ARID2: variants seen among roughly 807,000 people sequenced by gnomAD.
ARID2 encodes the protein AT-rich interactive domain-containing protein 2.
Under a neutral mutation model 184.6 loss-of-function variants are expected in ARID2, and 32 were observed. That is an observed-to-expected ratio of 0.17 (90% CI 0.13 to 0.23). ARID2 has a LOEUF of 0.23. Ranked by LOEUF, ARID2 falls within the 10% of genes least tolerant of loss-of-function variation. The probability of loss-of-function intolerance (pLI) is 1.00; values close to 1 mark genes in which losing one functional copy is unlikely to be tolerated. For missense variants in ARID2, 1,696 were observed against 2,197.6 expected (o/e 0.77, Z 4.56); for synonymous variants, 836 against 772.6 (o/e 1.08, Z -1.36).
chr12:45,806,977 CCCCTTTTGAAACACACCATCACTTT>C (rs1237771616), intron 3 of ARID2, among the ~76,000 whole-genome samples: 1 of 152,168 alleles, frequency 6.6e-6, no homozygotes, highest in Non-Finnish European at 1.5e-5. Context: ...CTCTCTGGGT[CCCCTTTTGAAACACACCATCACTTT>C]CTGTAGCTCC....
chr12:45,738,481 A>C (rs951585554), intron 3 of ARID2, among the ~76,000 whole-genome samples: 1 of 151,870 alleles, frequency 6.6e-6, no homozygotes, highest in Admixed American at 6.6e-5. Context: ...TACCCGGCTA[A>C]TTTTTGTATT....
intron 6 of ARID2, among the ~76,000 whole-genome samples, chr12:45,823,617 T>G (rs1942938473): frequency 6.6e-6 from 1 of 152,024 alleles, no homozygotes; most frequent in Non-Finnish European, 1.5e-5. Flanking sequence ...ACATTACAGC[T>G]GATACTACAG....
At chr12:45,867,309 G>A (rs1312931127) in intron 16 of ARID2, among the ~76,000 whole-genome samples, 1 of 151,650 alleles carries the variant, frequency 6.6e-6, no homozygotes, top group African/African-American at 2.4e-5. Flanking sequence ...CTAGAGTTTA[G>A]TGGGATGATC....
intron 15 of ARID2, among the ~76,000 whole-genome samples, chr12:45,854,242 G>A (rs922315366): frequency 2.6e-5 from 4 of 152,140 alleles, no homozygotes; most frequent in Non-Finnish European, 4.4e-5. Context: ...ATTATGGCAA[G>A]TTGTATAATT....
chr12:45,875,018 G>A (rs1019734190), intron 16 of ARID2, among the ~76,000 whole-genome samples: 3 of 152,212 alleles, frequency 2.0e-5, no homozygotes, highest in South Asian at 2.1e-4. Context: ...AGTTACTCAG[G>A]AGGCTTTGGT....
intron 16 of ARID2, chr12:45,874,384 C>A: frequency 5.5e-6 from 1 of 182,616 alleles, no homozygotes; most frequent in Admixed American, 5.5e-5. Flanking sequence ...GCTATGTTAT[C>A]AACTAAGTTT....
intron 6 of ARID2, among the ~76,000 whole-genome samples, chr12:45,826,326 C>T (rs1030042905): frequency 1.1e-4 from 16 of 151,694 alleles, no homozygotes; most frequent in African/African-American, 1.9e-4. Context: ...TTTATTTTAA[C>T]GAGCTGGTAA....
intron 16 of ARID2, among the ~76,000 whole-genome samples, chr12:45,876,559 G>GA (rs1278536900): frequency 1.2e-5 from 1 of 85,282 alleles, no homozygotes; most frequent in Admixed American, 1.2e-4. Context: ...CTCAAAAAAA[G>GA]AAAAAAAAGG....
intron 16 of ARID2, among the ~76,000 whole-genome samples, chr12:45,883,617 C>T (rs1414283727): frequency 1.3e-5 from 2 of 149,722 alleles, no homozygotes; most frequent in African/African-American, 2.5e-5. Flanking sequence ...CCCATTTTTA[C>T]CTAGTAATAC....
chr12:45,813,318 G>C (rs1456415268), intron 4 of ARID2, among the ~76,000 whole-genome samples: 2 of 152,020 alleles, frequency 1.3e-5, no homozygotes, highest in Non-Finnish European at 2.9e-5. Flanking sequence ...TTTCTAGAAA[G>C]AGCCATAGCA....
At chr12:45,825,855 C>G (rs1219289436) in intron 6 of ARID2, among the ~76,000 whole-genome samples, 1 of 151,616 alleles carries the variant, frequency 6.6e-6, no homozygotes, top group Non-Finnish European at 1.5e-5. Flanking sequence ...CAGAGTGAGA[C>G]CCTGTCTTTA....
chr12:45,760,150 AAT>A (rs1941647985), intron 3 of ARID2, among the ~76,000 whole-genome samples: 1 of 152,182 alleles, frequency 6.6e-6, no homozygotes, highest in Non-Finnish European at 1.5e-5. Context: ...TTCCAGATAT[AAT>A]ATTTTTAAAG....
chr12:45,729,994 C>T (rs749537328), intron 1 of ARID2, 50 bp from the exon 2 acceptor site: 1 of 1,607,208 alleles, frequency 6.2e-7, no homozygotes, highest in Non-Finnish European at 8.5e-7. Flanking sequence ...CCCGCCCGGG[C>T]CGGGCACGGG....
intron 9 of ARID2, 40 bp from the exon 10 acceptor site, chr12:45,837,458 A>G: frequency 6.2e-7 from 1 of 1,610,524 alleles, no homozygotes; most frequent in Non-Finnish European, 8.5e-7. Flanking sequence ...AAGTAAACAA[A>G]CTATCATTTC....
At chr12:45,860,702 G>T in intron 15 of ARID2, 99 bp from the exon 16 acceptor site, 1 of 1,067,166 alleles carries the variant, frequency 9.4e-7, no homozygotes, top group Non-Finnish European at 1.2e-6. Context: ...TTTTATGGTA[G>T]AAATGTATAA....
chr12:45,813,600 T>G (rs1323669371), intron 4 of ARID2, among the ~76,000 whole-genome samples: 3 of 152,252 alleles, frequency 2.0e-5, no homozygotes, highest in African/African-American at 7.2e-5. Context: ...TTTGAATAAA[T>G]GTATTTATCC....
chr12:45,784,610 GC>G (rs941596303), intron 3 of ARID2, among the ~76,000 whole-genome samples: 5 of 152,158 alleles, frequency 3.3e-5, no homozygotes, highest in African/African-American at 1.2e-4. Context: ...GTTGCACTGA[GC>G]CGAGATCGTG....
chr12:45,894,918 A>G (rs886348412), intron 20 of ARID2, among the ~76,000 whole-genome samples: 49 of 152,178 alleles, frequency 3.2e-4, no homozygotes, highest in Admixed American at 2.9e-3. Context: ...GGCTCTCTCA[A>G]GTCACACTTG....
rs1944529940 is a variant in ARID2 at position 45,906,285 on chromosome 12, A to G, written c.*1207A>G. The G allele has an allele frequency of 4.3e-6, 1 of 233,110 alleles. No homozygotes were observed. The highest frequency in any genetic ancestry group is 6.1e-5 in the East Asian group (1 of 16,428). The allele number at this position is 233,110 out of a possible 1,614,324, so 14.4% of individuals were successfully genotyped here. On this transcript the variant is annotated 3_prime_UTR_variant, in exon 21 of 21. Coordinates refer to ENST00000334344, the MANE Select transcript of ARID2 (RefSeq NM_152641.4). ...ATTGTATTATTCTTCCATTCTTAAT[A>G]CTGTACCACATTCCTGCTCAGAAAC...
Sources: gnomAD v4.1 joint callset for allele counts (sites outside exome capture counted in the v4.1 genomes callset) on GRCh38, gnomAD v4.1.1 for gene constraint, MANE v1.5 for transcripts, NCBI Gene and HGNC (gene_info 2026-07-23, HGNC 2026-07-21) for gene names.